The following PCDHGB4 variants were observed in gnomAD, a reference collection of about 807,000 sequenced individuals.
The protein encoded by PCDHGB4 is protocadherin gamma subfamily B, 4.
A neutral mutation model predicts 60.5 loss-of-function variants in PCDHGB4; 38 were observed. The observed-to-expected ratio is 0.63, with a 90% CI of 0.48 to 0.82. PCDHGB4 has a LOEUF of 0.82. Ranked by LOEUF, PCDHGB4 falls within the 40% of genes least tolerant of loss-of-function variation. PCDHGB4 has a pLI of 0.00. For synonymous variants in PCDHGB4, 456 were observed against 509.7 expected (o/e 0.89, Z 1.42); for missense variants, 1,109 against 1,209.6 (o/e 0.92, Z 1.23).
At chr5:141,398,866 T>TAC (rs775997367) in intron 1 of PCDHGB4, 28 of 1,613,844 alleles carry the variant, frequency 1.7e-5, no homozygotes, top group Non-Finnish European at 8.5e-7. Flanking sequence ...CCGAGACGTG[T>TAC]ACAGAGTCAG....
intron 2 of PCDHGB4, among the ~76,000 whole-genome samples, chr5:141,503,998 A>G (rs746158378): frequency 4.6e-5 from 7 of 152,104 alleles, no homozygotes; most frequent in Admixed American, 1.3e-4. Context: ...CCTTACAGTC[A>G]CTTAACTGTC....
At chr5:141,409,640 G>A (rs1045286800) in intron 1 of PCDHGB4, 2 of 1,613,780 alleles carry the variant, frequency 1.2e-6, no homozygotes, top group African/African-American at 1.3e-5. Context: ...CTCTGACCCG[G>A]ATTTGGGGCT....
chr5:141,415,740 GTTTTTTTTTTTTTTTTTT>G (rs57426385), intron 1 of PCDHGB4: 9 of 625,028 alleles, frequency 1.4e-5, no homozygotes, highest in African/African-American at 5.0e-5. Flanking sequence ...GTTTATTAAG[GTTTTTTTTTTTTTTTTTT>G]TTTTTTTTTT....
At chr5:141,430,149 C>T (rs1051033560) in intron 1 of PCDHGB4, among the ~76,000 whole-genome samples, 4 of 151,968 alleles carry the variant, frequency 2.6e-5, no homozygotes, top group African/African-American at 9.7e-5. Flanking sequence ...CAGGATCATT[C>T]AAGGAATCTA....
At chr5:141,409,870 T>C in intron 1 of PCDHGB4, 1 of 1,612,788 alleles carries the variant, frequency 6.2e-7, no homozygotes, top group Non-Finnish European at 8.5e-7. Flanking sequence ...GAGACCGCAA[T>C]GACAACGCAC....
chr5:141,498,103 G>C (rs2099781622), intron 2 of PCDHGB4, among the ~76,000 whole-genome samples: 1 of 152,216 alleles, frequency 6.6e-6, no homozygotes. Context: ...GGTGGTGTGG[G>C]CGTATAATAG....
chr5:141,461,323 T>C (rs2099013372), intron 1 of PCDHGB4, among the ~76,000 whole-genome samples: 1 of 152,176 alleles, frequency 6.6e-6, no homozygotes, highest in African/African-American at 2.4e-5. Context: ...TTTTTAATAA[T>C]GGCCATTCTT....
chr5:141,394,907 T>C (rs1477088272), intron 1 of PCDHGB4: 2 of 1,613,640 alleles, frequency 1.2e-6, no homozygotes, highest in Non-Finnish European at 1.7e-6. Context: ...TGGCAGTGGC[T>C]GCCATCTCCT....
At chr5:141,447,797 T>C (rs536848880) in intron 1 of PCDHGB4, among the ~76,000 whole-genome samples, 16 of 152,022 alleles carry the variant, frequency 1.1e-4, no homozygotes, top group Admixed American at 7.9e-4. Context: ...TTTAAGAAAA[T>C]AAAATTGGCT....
At position 141,487,635 on chromosome 5, in the gene PCDHGB4, A is replaced by C. The variant is rs1594699829; in HGVS notation, c.2398-7172A>C. 1.2e-6 allele frequency: 2 copies of C among 1,614,204 alleles called. No individual in the cohort carries two copies. Among genetic ancestry groups the C allele is most frequent in the Non-Finnish European group, 1.7e-6 (2 of 1,180,034 alleles). On this transcript the variant is annotated intron_variant, in intron 1 of 3. Transcript: ENST00000519479. The surrounding 1 kb of genome is among the most constrained non-coding windows in gnomAD (Gnocchi z 5.0). Reference sequence around the variant, plus strand: ...CTAGAGGTGAGACCTTTGCAGGCTCAACAAATGCTTGAGGGTTATTCTGAT... The same window carrying C: ...CTAGAGGTGAGACCTTTGCAGGCTCCACAAATGCTTGAGGGTTATTCTGAT...
rs1405589878 is a variant in PCDHGB4 at position 141,504,323 on chromosome 5, T to A, written c.2457-1070T>A. On this transcript the variant is annotated intron_variant, in intron 2 of 3. Transcript: ENST00000519479. ...CACTCGGAGTTTCTAAAAGTCTCAC[T>A]TAGGTCCAAGTGCTAGGCTTTGTGC... Among the ~76,000 whole-genome samples, 4 of 152,114 alleles carry A rather than the reference T, an allele frequency of 2.6e-5. No individual in the cohort carries two copies. In the East Asian group the frequency reaches 7.7e-4, roughly 29 times the overall value.
At chr5:141,472,884 G>A (rs1426207609) in intron 1 of PCDHGB4, among the ~76,000 whole-genome samples, 2 of 151,610 alleles carry the variant, frequency 1.3e-5, no homozygotes, top group African/African-American at 4.8e-5. Flanking sequence ...TACTCGGGAG[G>A]CTGAGGCAGG....
intron 2 of PCDHGB4, among the ~76,000 whole-genome samples, chr5:141,496,888 TAA>T (rs35063790): frequency 6.7e-5 from 9 of 134,018 alleles, no homozygotes; most frequent in Non-Finnish European, 4.9e-5. Flanking sequence ...AAGTAACACT[TAA>T]AAAAAAAAAA....
rs1404533394 is a variant in PCDHGB4, at chr5:141,491,708, G to T, written c.2398-3099G>T. ...CTGCGGGAGCGGAGCCAGGTGAGGG[G>T]CTCGGCGCCGCCCCGGGCGACCCCT... On this transcript the variant is annotated intron_variant, in intron 1 of 3. Transcript: ENST00000519479. The surrounding 1 kb of genome is among the most constrained non-coding windows in gnomAD (Gnocchi z 6.9). 1 of 1,610,132 alleles carries T rather than the reference G, an allele frequency of 6.2e-7. No individual in the cohort carries two copies. Among genetic ancestry groups the T allele is most frequent in the Admixed American group, 1.7e-5 (1 of 59,518 alleles).
chr5:141,400,636 G>T (rs1478195116), intron 1 of PCDHGB4: 4 of 1,325,644 alleles, frequency 3.0e-6, no homozygotes, highest in Non-Finnish European at 4.2e-6. Context: ...AGTCAGAGCT[G>T]CTCAGAAAGC....
chr5:141,419,119 C>T lies in PCDHGB4; in HGVS notation c.2397+28838C>T. 2.5e-6 allele frequency: 4 copies of T among 1,613,896 alleles called. No individual in the cohort carries two copies. The South Asian group carries it at 3.3e-5, about 13-fold the overall frequency. Reference sequence around the variant, plus strand: ...GGGAGCAGACCCCAGAGTACAACGTCACCATCGCAGCCACAGACAGGGGCA... The same window carrying T: ...GGGAGCAGACCCCAGAGTACAACGTTACCATCGCAGCCACAGACAGGGGCA... On this transcript the variant is annotated intron_variant, in intron 1 of 3. Coordinates refer to ENST00000519479, the MANE Select transcript of PCDHGB4 (RefSeq NM_003736.4).
chr5:141,510,221 C>T lies in PCDHGB4; in HGVS notation c.2546-726C>T, dbSNP rs891359580. On this transcript the variant is annotated intron_variant, in intron 3 of 3. Transcript: ENST00000519479. The stretch of plus-strand genomic sequence containing the variant: ...CCAGGAGGCAGAGGTTGCAGTGAGC[C>T]GGGATCGCGCCACTGCACTCCAGGC... Among the ~76,000 whole-genome samples, 12 of 150,616 alleles carry T rather than the reference C, an allele frequency of 8.0e-5. No homozygotes were observed. In the East Asian group the frequency reaches 1.2e-3, roughly 15 times the overall value.
chr5:141,431,114 G>T lies in PCDHGB4; in HGVS notation c.2397+40833G>T. On this transcript the variant is annotated intron_variant, in intron 1 of 3. Coordinates refer to ENST00000519479, the MANE Select transcript of PCDHGB4 (RefSeq NM_003736.4). This position sits in a 1 kb window ranked among gnomAD's most constrained non-coding sequence, Gnocchi z 4.8. The stretch of plus-strand genomic sequence containing the variant: ...GGAGGATAAAGTGAAAATATATGGA[G>T]TAGAAGTAGAAGTAAGGGACATTAA... 6.2e-7 allele frequency: 1 copy of T among 1,614,158 alleles called. No individual in the cohort carries two copies.
intron 1 of PCDHGB4, chr5:141,399,911 G>A: frequency 6.2e-7 from 1 of 1,612,384 alleles, no homozygotes; most frequent in Non-Finnish European, 8.5e-7. Flanking sequence ...GCAGACTCAG[G>A]ACACAACGCC....
Sources: allele counts gnomAD v4.1 joint callset (sites outside exome capture counted in the v4.1 genomes callset), GRCh38; gene constraint gnomAD v4.1.1; non-coding constraint Gnocchi (gnomAD v3.1); transcripts MANE v1.5; gene names NCBI Gene and HGNC (gene_info 2026-07-23, HGNC 2026-07-21).